Variants in KIF16B observed in about 807,000 individuals in gnomAD.
The protein encoded by KIF16B is kinesin-like protein KIF16B.
A neutral mutation model predicts 156.3 loss-of-function variants in KIF16B; 98 were observed. That is an observed-to-expected ratio of 0.63 (90% CI 0.53 to 0.74). The LOEUF is 0.74. Ranked by LOEUF, KIF16B falls within the 30% of genes least tolerant of loss-of-function variation. The probability of loss-of-function intolerance (pLI) is 0.00; values close to 1 mark genes in which losing one functional copy is unlikely to be tolerated. For missense variants in KIF16B, 1,421 were observed against 1,606.5 expected (o/e 0.88, Z 1.97); for synonymous variants, 564 against 583.7 (o/e 0.97, Z 0.49).
intron 11 of KIF16B, among the ~76,000 whole-genome samples, chr20:16,496,765 T>TA (rs1181028752): frequency 6.6e-6 from 1 of 152,216 alleles, no homozygotes; most frequent in Non-Finnish European, 1.5e-5. Context: ...AAATTTCATT[T>TA]AAAAAATAGG....
At chr20:16,494,145 C>T (rs2068377682) in intron 12 of KIF16B, 146 bp downstream of exon 12, 2 of 605,528 alleles carry the variant, frequency 3.3e-6, no homozygotes, top group African/African-American at 1.9e-5. Context: ...ACCAGAACTC[C>T]CATCCCATGA....
intron 12 of KIF16B, among the ~76,000 whole-genome samples, chr20:16,470,681 G>T (rs1428987004): frequency 2.1e-5 from 3 of 146,306 alleles, no homozygotes; most frequent in African/African-American, 7.7e-5. Context: ...TTTTTTGGTA[G>T]AGACAGGGTT....
At chr20:16,558,096 C>G (rs1040531349) in intron 1 of KIF16B, among the ~76,000 whole-genome samples, 1 of 152,162 alleles carries the variant, frequency 6.6e-6, no homozygotes, top group Non-Finnish European at 1.5e-5. Flanking sequence ...ATTGAAGAAG[C>G]GACATTTGAA....
intron 13 of KIF16B, among the ~76,000 whole-genome samples, chr20:16,429,415 G>A (rs761902): frequency 0.98 from 149,227 of 152,294 alleles, 73,124 homozygotes; most frequent in East Asian, 1. Context: ...AAGGTTACAG[G>A]GGCATCCATT....
chr20:16,410,200 T>C (rs1216489034), intron 15 of KIF16B, among the ~76,000 whole-genome samples: 3 of 146,652 alleles, frequency 2.0e-5, no homozygotes, highest in South Asian at 2.1e-4. Flanking sequence ...TATACATATA[T>C]GTAGGTACAT....
chr20:16,382,177 A>C, intron 17 of KIF16B: 2 of 1,211,270 alleles, frequency 1.7e-6, no homozygotes, highest in Non-Finnish European at 1.1e-6. Context: ...GAGAGCACAG[A>C]CATCAATTAA....
intron 24 of KIF16B, among the ~76,000 whole-genome samples, chr20:16,329,903 A>G (rs993772345): frequency 9.2e-5 from 14 of 152,270 alleles, no homozygotes; most frequent in African/African-American, 3.4e-4. Context: ...GTGAATCTGA[A>G]AACAGAATGG....
intron 22 of KIF16B, among the ~76,000 whole-genome samples, chr20:16,358,956 A>T (rs553167701): frequency 2.0e-5 from 3 of 152,346 alleles, no homozygotes; most frequent in African/African-American, 7.2e-5. Context: ...TGGGAATACA[A>T]TATAACTTTT....
At chr20:16,352,625 G>A (rs1423100585) in intron 23 of KIF16B, among the ~76,000 whole-genome samples, 1 of 152,138 alleles carries the variant, frequency 6.6e-6, no homozygotes, top group East Asian at 1.9e-4. Context: ...GACCAAATTG[G>A]AGCTCCCACA....
At chr20:16,363,433 G>A (rs990288799) in intron 22 of KIF16B, among the ~76,000 whole-genome samples, 6 of 152,206 alleles carry the variant, frequency 3.9e-5, no homozygotes, top group Non-Finnish European at 1.5e-5. Flanking sequence ...AGTCTTATCT[G>A]TAATAGAGCT....
rs1555877421 is a variant in KIF16B, at chr20:16,409,979, A to ATGTAGG, written c.1613-3524_1613-3523insCCTACA. Among the ~76,000 whole-genome samples the ATGTAGG allele has an allele frequency of 1.3e-3, 92 of 71,090 alleles. 9 individuals carry two copies. The highest frequency in any genetic ancestry group is 3.8e-3 in the South Asian group (7 of 1,842). 46.6% of individuals were successfully genotyped at this position (71,090 alleles called of 152,430 possible). A position where few individuals can be genotyped will look rare whatever the true frequency, so the allele number is the denominator to read the frequency against. On this transcript the variant is annotated intron_variant, in intron 15 of 25. Coordinates refer to ENST00000354981, the MANE Select transcript of KIF16B (RefSeq NM_024704.5). ...TATATATATATATATACATATATAT[A>ATGTAGG]TATATATATATATGTAGGTACATAT... is the stretch of plus-strand genomic sequence containing the variant.
intron 25 of KIF16B, among the ~76,000 whole-genome samples, chr20:16,293,354 G>A (rs781055215): frequency 5.1e-4 from 77 of 152,152 alleles, no homozygotes; most frequent in Non-Finnish European, 8.4e-4. Flanking sequence ...GAATCAAAAT[G>A]GTTTTGAACT....
chr20:16,448,522 G>A (rs2066994131), intron 12 of KIF16B, among the ~76,000 whole-genome samples: 1 of 152,046 alleles, frequency 6.6e-6, no homozygotes, highest in East Asian at 1.9e-4. Context: ...AGAGAACAAA[G>A]AAAATCCTCC....
At chr20:16,504,660 A>G (rs1009378687) in intron 9 of KIF16B, 113 bp from the exon 10 acceptor site, 1 of 761,418 alleles carries the variant, frequency 1.3e-6, no homozygotes, top group African/African-American at 1.7e-5. Flanking sequence ...GAGAGACTAA[A>G]TATTCATTGC....
In KIF16B at chr20:16,379,824, T is replaced by C; in HGVS notation, c.2178A>G (p.Ile726Met). ...TTTGGAGCTGGTCCAGTTCTTGAAA[T>C]ATCTGAAACTTCTCAGCCTTCTCGT... The part of the protein sequence containing the change: ...NNNEKAEKFQ[I>M]FQELDQLQKE... The change falls in exon 19 of 26, where the codon ATA (isoleucine) becomes ATG (methionine). Residue 726 changes from isoleucine (I) to methionine (M), a missense_variant. Transcript: ENST00000354981. 6.2e-7 allele frequency: 1 copy of C among 1,614,230 alleles called. No homozygotes were observed.
chr20:16,485,956 T>A (rs1054479703), intron 12 of KIF16B, among the ~76,000 whole-genome samples: 2 of 152,116 alleles, frequency 1.3e-5, no homozygotes, highest in African/African-American at 4.8e-5. Context: ...TAAGTAAATT[T>A]AACTAATAAT....
intron 25 of KIF16B, among the ~76,000 whole-genome samples, chr20:16,280,208 G>C (rs1263598150): frequency 2.6e-5 from 4 of 152,206 alleles, no homozygotes; most frequent in Non-Finnish European, 5.9e-5. Flanking sequence ...TGAAATGCTG[G>C]TTTGCTCACA....
chr20:16,401,780 T>A (rs977770228), intron 17 of KIF16B, among the ~76,000 whole-genome samples: 58 of 152,214 alleles, frequency 3.8e-4, no homozygotes, highest in Admixed American at 2.5e-3. Flanking sequence ...TCCTTGATTC[T>A]ACTTTGCTCC....
intron 17 of KIF16B, among the ~76,000 whole-genome samples, chr20:16,398,285 T>A (rs899996439): frequency 1.1e-4 from 17 of 152,006 alleles, no homozygotes; most frequent in African/African-American, 4.1e-4. Flanking sequence ...AAGTTCCGAG[T>A]GGAGAGTGAC....
Sources: gnomAD v4.1 joint callset for allele counts (sites outside exome capture counted in the v4.1 genomes callset) on GRCh38, gnomAD v4.1.1 for gene constraint, MANE v1.5 for transcripts, NCBI Gene and HGNC (gene_info 2026-07-23, HGNC 2026-07-21) for gene names.